Variants in PHF20 observed in about 807,000 individuals in gnomAD.
PHF20 encodes PHD finger protein 20.
Under a neutral mutation model 113.5 loss-of-function variants are expected in PHF20, and 23 were observed. The observed-to-expected ratio is 0.20, with a 90% CI of 0.15 to 0.29. The LOEUF (loss-of-function observed/expected upper bound fraction) is 0.29. PHF20 is among the 10% of genes least tolerant of loss of function. PHF20 has a pLI of 1.00. For synonymous variants in PHF20, 434 were observed against 457.3 expected, an observed-to-expected ratio of 0.95 and a Z score of 0.65; for missense variants, 943 against 1,219.6, an observed-to-expected ratio of 0.77 and a Z score of 3.38.
At chr20:35,862,879 G>C in intron 5 of PHF20, 134 bp from the exon 6 acceptor site, 4 of 780,840 alleles carry the variant, frequency 5.1e-6, no homozygotes, top group Non-Finnish European at 8.2e-6. Flanking sequence ...TGTTGTCAGT[G>C]GTGCTTTGTA....
chr20:35,801,592 C>G lies in PHF20; in HGVS notation c.70C>G (p.Arg24Gly). The G allele has an allele frequency of 6.2e-7, 1 of 1,610,738 alleles. No individual in the cohort carries two copies. The highest frequency in any genetic ancestry group is 8.5e-7 in the Non-Finnish European group (1 of 1,177,404). ...GGGAGCCCAGTTGGAAGCCCGGGAC[C>G]GTTTAAAAAACTGGTACTTTTACAT... ...EVGAQLEARD[R>G]LKNWYPAHIE... The change falls in exon 2 of 18, where the codon CGT (arginine) becomes GGT (glycine). Residue 24 changes from arginine to glycine, a missense_variant. Arg to Gly is a moderately radical substitution (Grantham distance 125). Around this residue, in one of 3 missense-constraint regions of PHF20, gnomAD observed 592 missense variants for 787.2 expected, o/e 0.75. Transcript: ENST00000374012.
At chr20:35,855,121 G>A (rs1251368981) in intron 4 of PHF20, 2 of 215,018 alleles carry the variant, frequency 9.3e-6, no homozygotes, top group Admixed American at 1.2e-4. Context: ...AAGATAACTG[G>A]AGTCTTAAAA....
At chr20:35,922,861 A>T (rs2055544827) in intron 13 of PHF20, among the ~76,000 whole-genome samples, 2 of 152,224 alleles carry the variant, frequency 1.3e-5, no homozygotes, top group South Asian at 2.1e-4. Flanking sequence ...CACATCTGTA[A>T]TACTAGCACT....
chr20:35,847,466 C>G (rs776614233), intron 4 of PHF20, 32 bp downstream of exon 4: 1 of 1,396,442 alleles, frequency 7.2e-7, no homozygotes, highest in Non-Finnish European at 1.0e-6. Flanking sequence ...TGTTTTTACT[C>G]ATGACTTAGG....
intron 2 of PHF20, among the ~76,000 whole-genome samples, chr20:35,828,814 A>G (rs1303986461): frequency 6.6e-6 from 1 of 152,208 alleles, no homozygotes; most frequent in African/African-American, 2.4e-5. Flanking sequence ...CCTCTAACCT[A>G]TAAACTATTG....
chr20:35,773,603 A>AT (rs1376757645), intron 1 of PHF20, among the ~76,000 whole-genome samples: 1 of 151,928 alleles, frequency 6.6e-6, no homozygotes, highest in African/African-American at 2.4e-5. Context: ...CGCTAGCAGG[A>AT]TCTCTTCTCT....
chr20:35,926,430 G>A lies in PHF20; in HGVS notation c.2005-1350G>A, dbSNP rs1266200440. On this transcript the variant is annotated intron_variant, in intron 13 of 17. Coordinates refer to ENST00000374012, the MANE Select transcript of PHF20 (RefSeq NM_016436.5). ...TTTTTTTTGTATTTTTAGTAGAGAC[G>A]GGGTTTCACTGTGTTAGCCAGGATG... Among the ~76,000 whole-genome samples the A allele has an allele frequency of 4.6e-5, 7 of 151,514 alleles. No individual in the cohort carries two copies. In the East Asian group the frequency reaches 9.9e-4, roughly 21 times the overall value.
intron 9 of PHF20, among the ~76,000 whole-genome samples, chr20:35,886,971 G>A (rs2054745918): frequency 1.3e-5 from 2 of 152,128 alleles, no homozygotes; most frequent in African/African-American, 4.8e-5. Context: ...GGAGTGACGT[G>A]GGCCTTGAAT....
intron 1 of PHF20, among the ~76,000 whole-genome samples, chr20:35,790,778 T>C (rs2041528653): frequency 6.6e-6 from 1 of 152,226 alleles, no homozygotes; most frequent in Non-Finnish European, 1.5e-5. Flanking sequence ...TTATAATGGC[T>C]AACTCACTAA....
At chr20:35,919,673 C>T (rs772317046) in intron 13 of PHF20, among the ~76,000 whole-genome samples, 4 of 152,168 alleles carry the variant, frequency 2.6e-5, no homozygotes, top group Non-Finnish European at 5.9e-5. Context: ...TGTCTTTATA[C>T]TCAACAATCC....
At chr20:35,933,774 C>T (rs2055810941) in intron 15 of PHF20, among the ~76,000 whole-genome samples, 1 of 152,196 alleles carries the variant, frequency 6.6e-6, no homozygotes, top group African/African-American at 2.4e-5. Flanking sequence ...CTCAACTGAT[C>T]TGCCCATCTC....
At chr20:35,873,302 T>C (rs925541864) in intron 9 of PHF20, among the ~76,000 whole-genome samples, 8 of 151,896 alleles carry the variant, frequency 5.3e-5, no homozygotes, top group Middle Eastern at 3.4e-3. Flanking sequence ...GGTCTCTCCG[T>C]GTTGACCAGG....
chr20:35,936,832 A>G (rs1394165331), intron 15 of PHF20, among the ~76,000 whole-genome samples: 1 of 152,234 alleles, frequency 6.6e-6, no homozygotes, highest in African/African-American at 2.4e-5. Flanking sequence ...CTTAATTGTT[A>G]TGAAACTCAG....
intron 9 of PHF20, among the ~76,000 whole-genome samples, chr20:35,875,457 C>T (rs1025765029): frequency 2.0e-5 from 3 of 151,966 alleles, no homozygotes; most frequent in East Asian, 1.9e-4. Context: ...CTCATCTCGG[C>T]GGCTGTTCTC....
At chr20:35,801,390 T>G in intron 1 of PHF20, 101 bp from the exon 2 acceptor site, 1 of 591,128 alleles carries the variant, frequency 1.7e-6, no homozygotes, top group Non-Finnish European at 3.0e-6. Context: ...TCATGGAGCT[T>G]TGTGTTTTGA....
At chr20:35,821,536 G>A (rs973888069) in intron 2 of PHF20, among the ~76,000 whole-genome samples, 4 of 150,568 alleles carry the variant, frequency 2.7e-5, no homozygotes, top group South Asian at 4.2e-4. Context: ...GTGTGTACCC[G>A]TGGTCCCAGC....
chr20:35,947,350 GCCC>G lies in PHF20; in HGVS notation c.2897-133_2897-131del. On this transcript the variant is annotated intron_variant, in intron 17 of 17. Transcript: ENST00000374012. The stretch of plus-strand genomic sequence containing the variant: ...TGGCTGAAATGGCCCTTCCTCCCTT[GCCC>G]CATGGAGGCTGAAATGGCCCTTCCT... 7 of 781,384 alleles carry G rather than the reference GCCC, an allele frequency of 9.0e-6. No individual in the cohort carries two copies. In the South Asian group the frequency reaches 1.1e-4, roughly 13 times the overall value. The allele number at this position is 781,384 out of a possible 1,614,324, so 48.4% of individuals were successfully genotyped here.
intron 2 of PHF20, among the ~76,000 whole-genome samples, chr20:35,808,933 G>A (rs931540897): frequency 6.6e-6 from 1 of 151,016 alleles, no homozygotes; most frequent in Non-Finnish European, 1.5e-5. Context: ...TGGCCATCTT[G>A]TACAAATTTC....
At chr20:35,816,424 T>A (rs999291332) in intron 2 of PHF20, among the ~76,000 whole-genome samples, 1 of 152,162 alleles carries the variant, frequency 6.6e-6, no homozygotes, top group African/African-American at 2.4e-5. Context: ...ACAAATTATA[T>A]TTGATTTATG....
Sources: allele counts gnomAD v4.1 joint callset (sites outside exome capture counted in the v4.1 genomes callset), GRCh38; gene constraint gnomAD v4.1.1; regional missense constraint gnomAD v4.1.1; transcripts MANE v1.5; gene names NCBI Gene and HGNC (gene_info 2026-07-23, HGNC 2026-07-21).